BCKDHA: variants seen among roughly 807,000 people sequenced by gnomAD.
BCKDHA encodes the protein branched chain keto acid dehydrogenase E1 subunit alpha, also known as 2-oxoisovalerate dehydrogenase subunit alpha, mitochondrial.
A neutral mutation model predicts 52.2 loss-of-function variants in BCKDHA; 43 were observed. The ratio of observed to expected loss-of-function variants is 0.82; its 90% confidence interval spans 0.64 to 1.06. The LOEUF (loss-of-function observed/expected upper bound fraction) is 1.06, where lower values mean the gene tolerates loss of function less well. Among genes scored for constraint, BCKDHA ranks in the 50% least tolerant of loss-of-function variants. BCKDHA has a pLI of 0.00. For missense variants in BCKDHA, 527 were observed against 621.3 expected (o/e 0.85, Z 1.61); for synonymous variants, 234 against 247.9 (o/e 0.94, Z 0.53).
intron 4 of BCKDHA, 158 bp from the exon 5 acceptor site, chr19:41,418,977 C>G: frequency 1.2e-6 from 1 of 810,452 alleles, no homozygotes; most frequent in East Asian, 2.6e-5. Context: ...ATCAGATTGG[C>G]CTTGCTGGGC....
Position 41,412,598 on chromosome 19 carries a change from G to A in BCKDHA, c.376-1451G>A, listed in dbSNP as rs186818824. On this transcript the variant is annotated intron_variant, in intron 3 of 8. Coordinates refer to ENST00000269980, the MANE Select transcript of BCKDHA (RefSeq NM_000709.4). ...TCTCCATGTTGGTCAGTCTGGTCTC[G>A]AACTCCCTACCTCAGGTGATCTGCC... is the stretch of plus-strand genomic sequence containing the variant. Among the ~76,000 whole-genome samples the A allele has an allele frequency of 4.1e-4, 62 of 151,556 alleles. No individual in the cohort carries two copies. The East Asian group carries it at 0.011, about 27-fold the overall frequency.
Position 41,422,334 on chromosome 19 carries a change from A to T in BCKDHA, c.817A>T (p.Thr273Ser). 6.2e-7 allele frequency: 1 copy of T among 1,614,036 alleles called. No homozygotes were observed. Among genetic ancestry groups the T allele is most frequent in the Non-Finnish European group, 8.5e-7 (1 of 1,179,982 alleles). The change falls in exon 6 of 9, where the codon ACG becomes TCG. Residue 273 changes from threonine (T) to serine (S), a missense_variant. Thr to Ser is a moderately conservative substitution (Grantham distance 58). Transcript: ENST00000269980. ...FCRNNGYAIS[T>S]PTSEQYRGDG... Reference sequence around the variant, plus strand: ...CCGGAACAATGGCTACGCCATCTCCACGCCCACCTCTGAGCAGTATCGCGG... The same window carrying T: ...CCGGAACAATGGCTACGCCATCTCCTCGCCCACCTCTGAGCAGTATCGCGG...
At chr19:41,402,980 C>G (rs2039154182) in intron 1 of BCKDHA, among the ~76,000 whole-genome samples, 1 of 152,130 alleles carries the variant, frequency 6.6e-6, no homozygotes, top group South Asian at 2.1e-4. Flanking sequence ...CTTTCCACTT[C>G]AGTCCCCCTG....
rs942815730 is a variant in BCKDHA at position 41,423,089 on chromosome 19, C to T, written c.1087C>T (p.Arg363Trp). The change falls in exon 8 of 9, where the codon CGG (arginine) becomes TGG (tryptophan). Residue 363 changes from arginine to tryptophan, a missense_variant. By Grantham distance (101) the Arg-to-Trp change is moderately radical. Coordinates refer to ENST00000269980, the MANE Select transcript of BCKDHA (RefSeq NM_000709.4). Reference protein sequence around the residue: ...YWDKQDHPISRLRHYLLSQGW... With the variant: ...YWDKQDHPISWLRHYLLSQGW... ...GGATAAACAGGACCACCCCATCTCC[C>T]GGCTGCGGCACTATCTGCTGAGCCA... 5.1e-6 allele frequency: 8 copies of T among 1,575,278 alleles called. No homozygotes were observed. The highest frequency in any genetic ancestry group is 2.7e-5 in the African/African-American group (2 of 74,132).
chr19:41,400,531 T>C (rs10422783), intron 1 of BCKDHA, among the ~76,000 whole-genome samples: 99,265 of 151,534 alleles, frequency 0.66, 33,611 homozygotes, highest in African/African-American at 0.82. Context: ...TAAGCCACTG[T>C]GCCTGGCTGC....
At chr19:41,410,029 G>A (rs2039235051) in intron 1 of BCKDHA, among the ~76,000 whole-genome samples, 1 of 152,090 alleles carries the variant, frequency 6.6e-6, no homozygotes, top group Non-Finnish European at 1.5e-5. Context: ...TCGAACTCCT[G>A]ACCTCAAGTG....
At position 41,420,466 on chromosome 19, in the gene BCKDHA, G is replaced by A. The variant is rs58786677; in HGVS notation, c.646+1170G>A. 5.4e-3 allele frequency among the ~76,000 whole-genome samples: 815 copies of A among 152,312 alleles called. 11 individuals carry two copies. The highest frequency in any genetic ancestry group is 0.018 in the African/African-American group (768 of 41,572). ...ATACAAAAATTAGCTTGGCATGGTG[G>A]TGCACACCTGTAATCCTAGCTACTC... On this transcript the variant is annotated intron_variant, in intron 5 of 8. Transcript: ENST00000269980.
Position 41,411,074 on chromosome 19 carries a change from G to C in BCKDHA, c.375+65G>C, listed in dbSNP as rs552323788. On this transcript the variant is annotated intron_variant, in intron 3 of 8. Transcript: ENST00000269980. ...CCTGAGGTCCCCTACCTGTGTTTGG[G>C]CCAAAGGAATGGCTCCCAAGGAGGA... The C allele has an allele frequency of 4.9e-5, 76 of 1,555,328 alleles. No homozygotes were observed. The East Asian group carries it at 1.6e-3, about 33-fold the overall frequency.
rs398123494 is a variant in BCKDHA at position 41,397,840 on chromosome 19, AT to A, written c.14del (p.Ile5ThrfsTer9). 4.3e-6 allele frequency: 7 copies of A among 1,614,124 alleles called. No homozygotes were observed. The highest frequency in any genetic ancestry group is 5.9e-6 in the Non-Finnish European group (7 of 1,180,018). ...GTTGTTAGCCAAGATGGCGGTAGCGATCGCTGCAGCGAGGGTCTGGCGGCTA... is the reference window on the plus strand; with the variant it reads ...GTTGTTAGCCAAGATGGCGGTAGCGACGCTGCAGCGAGGGTCTGGCGGCTA... MAVA[I>X]AAARVWRLNR... On this transcript the variant is annotated frameshift_variant, in exon 1 of 9. Coordinates refer to ENST00000269980, the MANE Select transcript of BCKDHA (RefSeq NM_000709.4). LOFTEE classifies it high-confidence loss of function.
Position 41,410,811 on chromosome 19 carries a change from C to A in BCKDHA, c.283C>A (p.Pro95Thr), listed in dbSNP as rs368891152. The change falls in exon 2 of 9, where the codon CCC (proline) becomes ACC (threonine). Residue 95 changes from proline to threonine, a missense_variant. Coordinates refer to ENST00000269980, the MANE Select transcript of BCKDHA (RefSeq NM_000709.4). Reference protein sequence around the residue: ...QGQIINPSEDPHLPKEKVLKL... With the variant: ...QGQIINPSEDTHLPKEKVLKL... ...CCAGATCATCAACCCCAGCGAGGAC[C>A]CCCACGTGAGAGGCGGCCTCCCCCA... 7.4e-6 allele frequency: 12 copies of A among 1,614,132 alleles called. No individual in the cohort carries two copies. In the African/African-American group the frequency reaches 1.6e-4, roughly 22 times the overall value.
At chr19:41,402,038 A>G (rs1275222163) in intron 1 of BCKDHA, among the ~76,000 whole-genome samples, 4 of 152,224 alleles carry the variant, frequency 2.6e-5, no homozygotes, top group African/African-American at 7.2e-5. Flanking sequence ...AACATGGCGG[A>G]AGGCAAATGA....
Position 41,422,078 on chromosome 19 carries a change from G to A in BCKDHA, c.647-86G>A, listed in dbSNP as rs561334986. 237 of 1,372,962 alleles carry A rather than the reference G, an allele frequency of 1.7e-4. No individual in the cohort carries two copies. In the African/African-American group the frequency reaches 2.9e-3, roughly 17 times the overall value. The allele number at this position is 1,372,962 out of a possible 1,614,324, so 85.0% of individuals were successfully genotyped here. Reference sequence around the variant, plus strand: ...CCTGGTGACTGCTGGCCTGAGCCACGCTTGAGCCGTGGGTCATGTGAGTGT... The same window carrying A: ...CCTGGTGACTGCTGGCCTGAGCCACACTTGAGCCGTGGGTCATGTGAGTGT... On this transcript the variant is annotated intron_variant, in intron 5 of 8. Transcript: ENST00000269980.
chr19:41,409,584 C>T lies in BCKDHA; in HGVS notation c.109-1053C>T, dbSNP rs149952495. 1.9e-4 allele frequency among the ~76,000 whole-genome samples: 29 copies of T among 150,676 alleles called. No homozygotes were observed. The East Asian group carries it at 5.2e-3, about 27-fold the overall frequency. On this transcript the variant is annotated intron_variant, in intron 1 of 8. Coordinates refer to ENST00000269980, the MANE Select transcript of BCKDHA (RefSeq NM_000709.4). Reference sequence around the variant, plus strand: ...TTTGCCAGGCGATAGGGAAAGAGACCTTCTTGTAAAGCAAGCAGAGATGAG... The same window carrying T: ...TTTGCCAGGCGATAGGGAAAGAGACTTTCTTGTAAAGCAAGCAGAGATGAG...
intron 4 of BCKDHA, among the ~76,000 whole-genome samples, chr19:41,417,916 G>T: frequency 6.8e-6 from 1 of 147,936 alleles, no homozygotes; most frequent in African/African-American, 2.5e-5. Flanking sequence ...GCAAAACTCC[G>T]TCTCAAAAAA....
Position 41,411,017 on chromosome 19 carries a change from G to C in BCKDHA, c.375+8G>C, listed in dbSNP as rs1182766062. 6.2e-7 allele frequency: 1 copy of C among 1,613,864 alleles called. No homozygotes were observed. The highest frequency in any genetic ancestry group is 8.5e-7 in the Non-Finnish European group (1 of 1,179,964). On this transcript the variant is annotated splice_region_variant and intron_variant, in intron 3 of 8. Coordinates refer to ENST00000269980, the MANE Select transcript of BCKDHA (RefSeq NM_000709.4). The stretch of plus-strand genomic sequence containing the variant: ...TATGAGTCTCAGCGGCAGGTGCGTG[G>C]GGACAGGACTAGGGGCGGGGGGCTG...
In BCKDHA at chr19:41,422,633, ACGAGGCCC is replaced by A. The variant is rs794727847; in HGVS notation, c.861_868del (p.Gly288ValfsTer11). On this transcript the variant is annotated frameshift_variant, in exon 7 of 9. Coordinates refer to ENST00000269980, the MANE Select transcript of BCKDHA (RefSeq NM_000709.4). LOFTEE classifies it high-confidence loss of function. ...GCCTTCTCTGTGTCCCCACAGCAGC[ACGAGGCCC>A]CGGGTATGGCATCATGTCAATCCGC... 6.2e-7 allele frequency: 1 copy of A among 1,614,012 alleles called. No homozygotes were observed. The highest frequency in any genetic ancestry group is 8.5e-7 in the Non-Finnish European group (1 of 1,180,022).
chr19:41,398,123 ACTT>A (rs2039097031), intron 1 of BCKDHA, among the ~76,000 whole-genome samples, 188 bp downstream of exon 1: 1 of 152,212 alleles, frequency 6.6e-6, no homozygotes, highest in East Asian at 1.9e-4. Context: ...AAGAACTTCC[ACTT>A]CTTTAGGAGA....
intron 1 of BCKDHA, among the ~76,000 whole-genome samples, chr19:41,404,254 A>T (rs1479513960): frequency 6.6e-6 from 1 of 151,996 alleles, no homozygotes; most frequent in Non-Finnish European, 1.5e-5. Context: ...TATTGAGATT[A>T]TAAGCATAAG....
intron 1 of BCKDHA, among the ~76,000 whole-genome samples, chr19:41,404,901 C>T (rs1169833584): frequency 6.6e-6 from 1 of 152,190 alleles, no homozygotes; most frequent in Non-Finnish European, 1.5e-5. Flanking sequence ...CCGCACCCAG[C>T]CATATTATTT....
Sources: gnomAD v4.1 joint callset for allele counts (sites outside exome capture counted in the v4.1 genomes callset) on GRCh38, gnomAD v4.1.1 for gene constraint, MANE v1.5 for transcripts, NCBI Gene and HGNC (gene_info 2026-07-23, HGNC 2026-07-21) for gene names.